PTPRT: variants seen among roughly 807,000 people sequenced by gnomAD.
PTPRT encodes receptor-type tyrosine-protein phosphatase T.
PTPRT carries 56 observed loss-of-function variants against 176.8 expected under a neutral mutation model. The observed-to-expected ratio is 0.32, with a 90% CI of 0.26 to 0.40. The LOEUF (loss-of-function observed/expected upper bound fraction) is 0.40. Among genes scored for constraint, PTPRT ranks in the 10% least tolerant of loss-of-function variants. The pLI is 1.00. For missense variants in PTPRT, 1,540 were observed against 1,908.2 expected, an observed-to-expected ratio of 0.81 and a Z score of 3.60; for synonymous variants, 783 against 739.0, an observed-to-expected ratio of 1.06 and a Z score of -0.96.
At chr20:42,090,784 G>A (rs1389382970) in intron 27 of PTPRT, among the ~76,000 whole-genome samples, 1 of 152,182 alleles carries the variant, frequency 6.6e-6, no homozygotes, top group African/African-American at 2.4e-5. Context: ...AGATCACGAG[G>A]ACGTAGCTGA....
intron 12 of PTPRT, among the ~76,000 whole-genome samples, chr20:42,293,442 C>T (rs748543029): frequency 3.3e-4 from 50 of 152,154 alleles, no homozygotes; most frequent in Non-Finnish European, 5.3e-4. Context: ...TTTTCTCCTA[C>T]TTCACTACCT....
intron 23 of PTPRT, among the ~76,000 whole-genome samples, chr20:42,109,215 T>G (rs536260160): frequency 6.6e-6 from 1 of 152,268 alleles, no homozygotes; most frequent in South Asian, 2.1e-4. Context: ...TATGGAGTCT[T>G]CCATGGTCTC....
chr20:43,013,018 T>C, intron 1 of PTPRT, among the ~76,000 whole-genome samples: 1 of 152,086 alleles, frequency 6.6e-6, no homozygotes, highest in African/African-American at 2.4e-5. Flanking sequence ...GGAAGGACAG[T>C]GTTCCTCAAC....
intron 9 of PTPRT, among the ~76,000 whole-genome samples, chr20:42,353,128 T>C (rs1413915914): frequency 1.3e-5 from 2 of 152,184 alleles, no homozygotes; most frequent in Non-Finnish European, 2.9e-5. Flanking sequence ...GCCACTGCTT[T>C]TCATAAGTGC....
At chr20:42,239,879 C>A (rs559363353) in intron 14 of PTPRT, among the ~76,000 whole-genome samples, 7 of 152,148 alleles carry the variant, frequency 4.6e-5, no homozygotes, top group Non-Finnish European at 1.5e-5. Flanking sequence ...ATTACTCTCA[C>A]GGTTAGCTGA....
chr20:42,798,001 G>A (rs1432774317), intron 2 of PTPRT, among the ~76,000 whole-genome samples: 2 of 152,200 alleles, frequency 1.3e-5, no homozygotes, highest in African/African-American at 2.4e-5. Context: ...AGATTAGAAT[G>A]TGTGGGGTTT....
intron 16 of PTPRT, among the ~76,000 whole-genome samples, chr20:42,197,736 T>C (rs1991288272): frequency 1.3e-5 from 2 of 150,782 alleles, no homozygotes; most frequent in Admixed American, 1.3e-4. Flanking sequence ...AAAAAAAACA[T>C]GGATAAGGGG....
chr20:43,083,363 T>TTTTTTGAGACAG (rs2011516033), intron 1 of PTPRT, among the ~76,000 whole-genome samples: 1 of 70,326 alleles, frequency 1.4e-5, no homozygotes, highest in African/African-American at 4.7e-5. Context: ...TATATATATA[T>TTTTTTGAGACAG]ATATATACAT....
At chr20:42,425,800 G>A (rs2059158083) in intron 9 of PTPRT, among the ~76,000 whole-genome samples, 2 of 152,136 alleles carry the variant, frequency 1.3e-5, no homozygotes, top group Admixed American at 6.5e-5. Flanking sequence ...AGATGATTGA[G>A]GCAAGCAGAC....
chr20:42,849,331 G>A (rs181335491), intron 2 of PTPRT, among the ~76,000 whole-genome samples: 1 of 152,280 alleles, frequency 6.6e-6, no homozygotes, highest in African/African-American at 2.4e-5. Flanking sequence ...CTTGCTCTAG[G>A]CCTGAATTCA....
At chr20:42,136,415 G>A (rs747162636) in intron 18 of PTPRT, among the ~76,000 whole-genome samples, 1 of 152,060 alleles carries the variant, frequency 6.6e-6, no homozygotes, top group Non-Finnish European at 1.5e-5. Context: ...GAAGCTAAAG[G>A]TCTGCACATT....
At chr20:42,560,072 A>G (rs919799609) in intron 7 of PTPRT, among the ~76,000 whole-genome samples, 1 of 152,148 alleles carries the variant, frequency 6.6e-6, no homozygotes, top group Non-Finnish European at 1.5e-5. Context: ...AAAGAACAAC[A>G]CAGGGTTGCT....
At chr20:42,521,351 G>A (rs530147924) in intron 7 of PTPRT, among the ~76,000 whole-genome samples, 2 of 152,216 alleles carry the variant, frequency 1.3e-5, no homozygotes, top group South Asian at 4.1e-4. Flanking sequence ...ACGGAGATAA[G>A]GGTAAAATAG....
chr20:42,461,472 G>A (rs146303550), intron 8 of PTPRT, among the ~76,000 whole-genome samples: 2 of 152,296 alleles, frequency 1.3e-5, no homozygotes, highest in African/African-American at 4.8e-5. Flanking sequence ...AGGAGTCAGA[G>A]GATACAGTGA....
chr20:43,057,433 G>T (rs1446822489), intron 1 of PTPRT, among the ~76,000 whole-genome samples: 1 of 150,434 alleles, frequency 6.6e-6, no homozygotes, highest in Admixed American at 6.6e-5. Flanking sequence ...GGGGAAGAGA[G>T]GGGAGGAAGG....
At chr20:42,435,763 T>C (rs1421407730) in intron 9 of PTPRT, among the ~76,000 whole-genome samples, 7 of 152,212 alleles carry the variant, frequency 4.6e-5, no homozygotes, top group African/African-American at 1.4e-4. Flanking sequence ...GATGTTTTCA[T>C]TAAACTTGAT....
chr20:42,169,351 G>C (rs1989973367), intron 16 of PTPRT, among the ~76,000 whole-genome samples: 2 of 151,482 alleles, frequency 1.3e-5, no homozygotes, highest in South Asian at 4.2e-4. Flanking sequence ...CCTGCTTGTG[G>C]GGGAGAGTAT....
At chr20:43,169,007 G>C (rs956489627) in intron 1 of PTPRT, among the ~76,000 whole-genome samples, 1 of 152,136 alleles carries the variant, frequency 6.6e-6, no homozygotes, top group Non-Finnish European at 1.5e-5. Flanking sequence ...AAACTTCCCT[G>C]CCTTCTTCCA....
intron 1 of PTPRT, among the ~76,000 whole-genome samples, chr20:42,994,234 G>A (rs1312897371): frequency 5.3e-5 from 8 of 151,966 alleles, no homozygotes; most frequent in Admixed American, 5.2e-4. Flanking sequence ...TGACTTGTAG[G>A]CCACTTCCAA....
Sources: gnomAD v4.1 joint callset for allele counts (sites outside exome capture counted in the v4.1 genomes callset) on GRCh38, gnomAD v4.1.1 for gene constraint, MANE v1.5 for transcripts, NCBI Gene and HGNC (gene_info 2026-07-23, HGNC 2026-07-21) for gene names.